The following ZSWIM3 variants were observed in gnomAD, a reference collection of about 807,000 sequenced individuals.
ZSWIM3 encodes the protein zinc finger SWIM domain-containing protein 3.
Under a neutral mutation model 47.5 loss-of-function variants are expected in ZSWIM3, and 27 were observed. The ratio of observed to expected loss-of-function variants is 0.57; its 90% confidence interval spans 0.42 to 0.78. The LOEUF is 0.78. Ranked by LOEUF, ZSWIM3 falls within the 30% of genes least tolerant of loss-of-function variation. The pLI is 0.00. For synonymous variants in ZSWIM3, 333 were observed against 333.9 expected (o/e 1.00, Z 0.03); for missense variants, 689 against 861.3 (o/e 0.80, Z 2.50).
In ZSWIM3 at chr20:45,876,696, T is replaced by C. The variant is rs1185457818; in HGVS notation, c.156-18T>C. ...GGGTGGTCAGCACCTTTCTCATTGT[T>C]ACCTCTACCTTCCCTAGGTATGTGC... On this transcript the variant is annotated intron_variant, in intron 1 of 1. Coordinates refer to ENST00000255152, the MANE Select transcript of ZSWIM3 (RefSeq NM_080752.4). 2 of 1,598,796 alleles carry C rather than the reference T, an allele frequency of 1.3e-6. No individual in the cohort carries two copies. Among genetic ancestry groups the C allele is most frequent in the African/African-American group, 2.7e-5 (2 of 74,628 alleles).
chr20:45,864,688 C>A (rs564458270), intron 1 of ZSWIM3, among the ~76,000 whole-genome samples: 62 of 151,480 alleles, frequency 4.1e-4, no homozygotes, highest in Non-Finnish European at 4.6e-4. Flanking sequence ...CATGGTGAAA[C>A]CAACTCTACT....
Position 45,877,034 on chromosome 20 carries a change from C to G in ZSWIM3, c.476C>G (p.Ser159Ter). Residue 159 changes from serine (S) to a stop codon, truncating the protein, a stop_gained, in exon 2 of 2, where the codon TCA becomes TGA. Coordinates refer to ENST00000255152, the MANE Select transcript of ZSWIM3 (RefSeq NM_080752.4). LOFTEE classifies it high-confidence loss of function. ...TGCCTAGATAAGGTACAAGTGTCCT[C>G]AAAGCCAGAGCAGGAAGGCATCACT... ...SFCLDKVQVS[S>*]KPEQEGITPS... 1.2e-6 allele frequency: 2 copies of G among 1,614,200 alleles called. No homozygotes were observed. The highest frequency in any genetic ancestry group is 8.5e-7 in the Non-Finnish European group (1 of 1,180,036).
At chr20:45,871,006 T>C (rs760954574) in intron 1 of ZSWIM3, among the ~76,000 whole-genome samples, 2 of 152,206 alleles carry the variant, frequency 1.3e-5, no homozygotes, top group Non-Finnish European at 2.9e-5. Context: ...CTGGAAGTCA[T>C]GATGCAAGCT....
At chr20:45,864,353 C>T (rs946435976) in intron 1 of ZSWIM3, among the ~76,000 whole-genome samples, 5 of 152,080 alleles carry the variant, frequency 3.3e-5, no homozygotes, top group Admixed American at 1.3e-4. Context: ...TGGCTCTGTG[C>T]AGAGCTCACT....
intron 1 of ZSWIM3, among the ~76,000 whole-genome samples, chr20:45,871,384 T>C (rs1251728071): frequency 2.0e-5 from 3 of 152,236 alleles, no homozygotes; most frequent in African/African-American, 7.2e-5. Flanking sequence ...TTCCAGTGTC[T>C]GGCACATAAT....
At chr20:45,872,059 A>T (rs1175393549) in intron 1 of ZSWIM3, among the ~76,000 whole-genome samples, 1 of 152,176 alleles carries the variant, frequency 6.6e-6, no homozygotes, top group East Asian at 1.9e-4. Context: ...CCATGTTCCC[A>T]GGTCTTAGCT....
intron 1 of ZSWIM3, among the ~76,000 whole-genome samples, chr20:45,860,237 G>T (rs117724140): frequency 2.6e-5 from 4 of 152,082 alleles, no homozygotes; most frequent in South Asian, 2.1e-4. Context: ...ATTTCCCGCC[G>T]GGTGCAGTGG....
At chr20:45,864,950 C>T (rs984475221) in intron 1 of ZSWIM3, among the ~76,000 whole-genome samples, 16 of 152,282 alleles carry the variant, frequency 1.1e-4, no homozygotes, top group African/African-American at 3.6e-4. Context: ...GTGGGTGGAT[C>T]ATGAGGTCAG....
chr20:45,876,647 G>A (rs1971816782), intron 1 of ZSWIM3, 67 bp from the exon 2 acceptor site: 1 of 1,545,826 alleles, frequency 6.5e-7, no homozygotes. Flanking sequence ...CCCCCTTCAG[G>A]GTCTTATCTT....
intron 1 of ZSWIM3, among the ~76,000 whole-genome samples, chr20:45,870,294 C>T (rs1050811916): frequency 2.0e-5 from 3 of 151,614 alleles, no homozygotes; most frequent in Admixed American, 6.6e-5. Context: ...GAGCCAAGAC[C>T]GTGCCAGTGC....
chr20:45,878,199 T>C lies in ZSWIM3; in HGVS notation c.1641T>C (p.Cys547=), dbSNP rs758523208. The C allele has an allele frequency of 6.2e-7, 1 of 1,614,238 alleles. No individual in the cohort carries two copies. Among genetic ancestry groups the C allele is most frequent in the South Asian group, 1.1e-5 (1 of 91,090 alleles). Residue 547 remains cysteine, a synonymous_variant, in exon 2 of 2, where the codon TGT becomes TGC. Coordinates refer to ENST00000255152, the MANE Select transcript of ZSWIM3 (RefSeq NM_080752.4). ...EDSHQVSKDG[C]SCSCSFQQWY... is the part of the protein sequence containing the mutation. Reference sequence around the variant, plus strand: ...CTCACCAGGTTAGCAAAGATGGCTGTAGCTGCAGCTGTTCCTTTCAACAAT... The same window carrying C: ...CTCACCAGGTTAGCAAAGATGGCTGCAGCTGCAGCTGTTCCTTTCAACAAT...
In ZSWIM3 at chr20:45,877,863, C is replaced by T; in HGVS notation, c.1305C>T (p.Pro435=). ...FFNTKGLKNL[P]TPPPKLKRAR... is the part of the protein sequence containing the mutation. ...ATACCAAAGGCTTGAAGAACTTGCC[C>T]ACACCTCCTCCCAAATTAAAGAGAG... is the stretch of plus-strand genomic sequence containing the variant. The change falls in exon 2 of 2, where the codon CCC becomes CCT. Residue 435 remains proline, a synonymous_variant. Coordinates refer to ENST00000255152, the MANE Select transcript of ZSWIM3 (RefSeq NM_080752.4). 6.2e-7 allele frequency: 1 copy of T among 1,614,184 alleles called. No homozygotes were observed. The highest frequency in any genetic ancestry group is 8.5e-7 in the Non-Finnish European group (1 of 1,180,030).
intron 1 of ZSWIM3, among the ~76,000 whole-genome samples, chr20:45,869,269 AGCAATTTGGGAG>A (rs1985913740): frequency 1.3e-5 from 2 of 151,770 alleles, no homozygotes; most frequent in South Asian, 4.2e-4. Context: ...CTATAATCCT[AGCAATTTGGGAG>A]GCCAAGACAG....
intron 1 of ZSWIM3, among the ~76,000 whole-genome samples, chr20:45,873,153 G>A (rs1986013514): frequency 6.6e-6 from 1 of 152,184 alleles, no homozygotes; most frequent in South Asian, 2.1e-4. Flanking sequence ...TGTAATCCCA[G>A]CACTTTGGGA....
In ZSWIM3 at chr20:45,857,630, A is replaced by AC; in HGVS notation, c.-191dup. 2 of 695,976 alleles carry AC rather than the reference A, an allele frequency of 2.9e-6. No homozygotes were observed. Among genetic ancestry groups the AC allele is most frequent in the South Asian group, 1.8e-5 (1 of 54,460 alleles). 43.1% of individuals were successfully genotyped at this position (695,976 alleles called of 1,614,324 possible). A position where few individuals can be genotyped will look rare whatever the true frequency, so the allele number is the denominator to read the frequency against. ...ATTTCCCCTGTCAGATAGCAAATACACCCCCTTCCTCTTGTAACCCGGTCA... is the reference window on the plus strand; with the variant it reads ...ATTTCCCCTGTCAGATAGCAAATACACCCCCCTTCCTCTTGTAACCCGGTCA... On this transcript the variant is annotated 5_prime_UTR_variant, in exon 1 of 2. Coordinates refer to ENST00000255152, the MANE Select transcript of ZSWIM3 (RefSeq NM_080752.4).
Position 45,878,349 on chromosome 20 carries a change from G to A in ZSWIM3, c.1791G>A (p.Glu597=). The A allele has an allele frequency of 6.2e-7, 1 of 1,614,234 alleles. No individual in the cohort carries two copies. The highest frequency in any genetic ancestry group is 1.1e-5 in the South Asian group (1 of 91,090). ...AGTACCTCCTTGGGCCCAATGGGGA[G>A]CTCCAGGATCGTGGTATGGTCCCAA... ...KYQYLLGPNG[E]LQDRGMVPNT... The change falls in exon 2 of 2, where the codon GAG becomes GAA. Residue 597 remains glutamate, a synonymous_variant. Coordinates refer to ENST00000255152, the MANE Select transcript of ZSWIM3 (RefSeq NM_080752.4).
intron 1 of ZSWIM3, among the ~76,000 whole-genome samples, chr20:45,860,713 G>A (rs1263611307): frequency 6.6e-6 from 1 of 151,784 alleles, no homozygotes; most frequent in African/African-American, 2.4e-5. Flanking sequence ...CACTTTTAAG[G>A]ATCCTTGTGA....
At chr20:45,872,643 C>G (rs1358613172) in intron 1 of ZSWIM3, 1 of 1,152,314 alleles carries the variant, frequency 8.7e-7, no homozygotes, top group Non-Finnish European at 1.1e-6. Context: ...GGTGAACACA[C>G]AAAGTTGTAG....
At chr20:45,862,413 G>C (rs117423342) in intron 1 of ZSWIM3, among the ~76,000 whole-genome samples, 1 of 151,870 alleles carries the variant, frequency 6.6e-6, no homozygotes, top group Admixed American at 6.6e-5. Flanking sequence ...CCCCTGCTGG[G>C]ATTACAGATG....
Sources: allele counts gnomAD v4.1 joint callset (sites outside exome capture counted in the v4.1 genomes callset), GRCh38; gene constraint gnomAD v4.1.1; transcripts MANE v1.5; gene names NCBI Gene and HGNC (gene_info 2026-07-23, HGNC 2026-07-21).